The following DCTN2 variants were observed in gnomAD, a reference collection of about 807,000 sequenced individuals.
DCTN2 encodes the protein dynactin subunit 2, also known as 50 kDa dynein-associated polypeptide.
In DCTN2, 18 loss-of-function variants were observed where a neutral mutation model predicts 55.4. That is an observed-to-expected ratio of 0.32 (90% CI 0.22 to 0.48). The LOEUF (loss-of-function observed/expected upper bound fraction) is 0.48, where lower values mean the gene tolerates loss of function less well. DCTN2 is among the 20% of genes least tolerant of loss of function. The pLI is 0.99. For synonymous variants in DCTN2, 168 were observed against 185.2 expected (o/e 0.91, Z 0.76); for missense variants, 390 against 491.0 (o/e 0.79, Z 1.94).
At chr12:57,533,094 TG>T in intron 8 of DCTN2, 72 bp from the exon 9 acceptor site, 1 of 1,559,330 alleles carries the variant, frequency 6.4e-7, no homozygotes, top group Non-Finnish European at 8.7e-7. Context: ...CCATCTTTCC[TG>T]GTTCTAGCTG....
intron 1 of DCTN2, 88 bp downstream of exon 1, chr12:57,546,940 C>T: frequency 9.3e-7 from 1 of 1,074,624 alleles, no homozygotes; most frequent in Non-Finnish European, 1.2e-6. Context: ...GGGCTGCAGG[C>T]GGGAGGGGTC....
intron 2 of DCTN2, chr12:57,539,989 T>G (rs957119013): frequency 1.6e-6 from 1 of 632,178 alleles, no homozygotes; most frequent in Non-Finnish European, 2.0e-6. Context: ...CAGGCGGAGG[T>G]TGCAGTGAGC....
chr12:57,532,918 T>G (rs368867965), intron 9 of DCTN2, 66 bp downstream of exon 9: 4 of 1,594,784 alleles, frequency 2.5e-6, no homozygotes, highest in Non-Finnish European at 3.4e-6. Context: ...AAAATAATCC[T>G]CAAAGCAAAC....
At chr12:57,534,649 C>T in intron 5 of DCTN2, 197 bp from the exon 6 acceptor site, 1 of 527,648 alleles carries the variant, frequency 1.9e-6, no homozygotes, top group Non-Finnish European at 3.2e-6. Flanking sequence ...GCCCCTTTAT[C>T]CAGGAGCTTA....
At chr12:57,546,826 G>A (rs1216686285) in intron 1 of DCTN2, among the ~76,000 whole-genome samples, 1 of 152,218 alleles carries the variant, frequency 6.6e-6, no homozygotes, top group Non-Finnish European at 1.5e-5. Flanking sequence ...CCGGAAAGGG[G>A]GCCTGGTGCG....
At position 57,535,773 on chromosome 12, in the gene DCTN2, T is replaced by C; in HGVS notation, c.178A>G (p.Lys60Glu). 6.2e-7 allele frequency: 1 copy of C among 1,613,968 alleles called. No individual in the cohort carries two copies. The highest frequency in any genetic ancestry group is 8.5e-7 in the Non-Finnish European group (1 of 1,179,836). Reference protein sequence around the residue: ...PNAAYDKFKDKRVGTKGLDFS... With the variant: ...PNAAYDKFKDERVGTKGLDFS... ...CCAAGTCCCTTTGTCCCCACTCTCTTGTCCTTGAACTTGTCATAGGCAGCA... is the reference window on the plus strand; with the variant it reads ...CCAAGTCCCTTTGTCCCCACTCTCTCGTCCTTGAACTTGTCATAGGCAGCA... Residue 60 changes from lysine (K) to glutamate (E), a missense_variant, in exon 3 of 14, where the codon AAG (lysine) becomes GAG (glutamate). Physicochemically the swap from Lys to Glu is moderately conservative, Grantham distance 56 (BLOSUM62 1). This residue lies in a region of DCTN2 where 117 missense variants were observed against 187.8 expected (regional missense o/e 0.62). Coordinates refer to ENST00000548249, the MANE Select transcript of DCTN2 (RefSeq NM_001261413.2).
chr12:57,544,288 C>A (rs1345995052), intron 2 of DCTN2: 1 of 330,680 alleles, frequency 3.0e-6, no homozygotes, highest in East Asian at 7.6e-5. Context: ...CTGCATATAA[C>A]CTACCTACAC....
chr12:57,530,789 G>A lies in DCTN2; in HGVS notation c.1120-14C>T. On this transcript the variant is annotated splice_polypyrimidine_tract_variant and intron_variant, in intron 13 of 13. Coordinates refer to ENST00000548249, the MANE Select transcript of DCTN2 (RefSeq NM_001261413.2). ...GGTTGTCTGCACCTACAAAGTGGTA[G>A]AGAGGTTTTACTCTTTGTCAGGTCC... is the stretch of plus-strand genomic sequence containing the variant. 1 of 1,608,866 alleles carries A rather than the reference G, an allele frequency of 6.2e-7. No individual in the cohort carries two copies. Among genetic ancestry groups the A allele is most frequent in the Non-Finnish European group, 8.5e-7 (1 of 1,175,330 alleles).
chr12:57,544,535 C>G (rs1880985905), intron 2 of DCTN2, among the ~76,000 whole-genome samples: 1 of 151,700 alleles, frequency 6.6e-6, no homozygotes, highest in Non-Finnish European at 1.5e-5. Flanking sequence ...CTGCCTCAGC[C>G]TCCACAGTAG....
intron 7 of DCTN2, 80 bp downstream of exon 7, chr12:57,533,873 C>A (rs879113972): frequency 2.7e-6 from 4 of 1,455,508 alleles, no homozygotes; most frequent in South Asian, 2.8e-5. Flanking sequence ...TCCCAGCACC[C>A]TCTCCTTGGA....
intron 2 of DCTN2, among the ~76,000 whole-genome samples, chr12:57,539,847 T>G (rs899621654): frequency 5.3e-5 from 8 of 152,012 alleles, no homozygotes; most frequent in African/African-American, 1.9e-4. Context: ...GCCACCATGG[T>G]GAAACCCCAT....
rs576842116 is a variant in DCTN2, at chr12:57,530,111, A to C, written c.*578T>G. On this transcript the variant is annotated 3_prime_UTR_variant, in exon 14 of 14. Coordinates refer to ENST00000548249, the MANE Select transcript of DCTN2 (RefSeq NM_001261413.2). ...CCTCCACTGCTTTTCTATGGGAGAC[A>C]CTCTTAATTTAACAGATGAGAATAT... 1 of 152,378 alleles carries C rather than the reference A, an allele frequency of 6.6e-6. No homozygotes were observed. Among genetic ancestry groups the C allele is most frequent in the Non-Finnish European group, 1.5e-5 (1 of 68,020 alleles). The allele number at this position is 152,378 out of a possible 1,614,324, so 9.4% of individuals were successfully genotyped here. A position where few individuals can be genotyped will look rare whatever the true frequency, so the allele number is the denominator to read the frequency against.
chr12:57,535,586 C>T, intron 3 of DCTN2, 41 bp from the exon 4 acceptor site: 2 of 1,609,518 alleles, frequency 1.2e-6, no homozygotes, highest in Non-Finnish European at 1.7e-6. Flanking sequence ...CTGATCTAGG[C>T]CCAAGGCAGT....
At chr12:57,530,998 T>G (rs1486468527) in intron 13 of DCTN2, among the ~76,000 whole-genome samples, 1 of 152,192 alleles carries the variant, frequency 6.6e-6, no homozygotes. Context: ...CCATCCTGAC[T>G]TCAGCCAGAA....
intron 2 of DCTN2, among the ~76,000 whole-genome samples, chr12:57,544,560 G>A (rs1466946823): frequency 2.0e-5 from 3 of 151,572 alleles, no homozygotes; most frequent in Non-Finnish European, 2.9e-5. Context: ...GACTATAAGC[G>A]CTCGCCACCA....
At chr12:57,532,500 T>A in intron 11 of DCTN2, 72 bp downstream of exon 11, 8 of 1,526,106 alleles carry the variant, frequency 5.2e-6, no homozygotes, top group Non-Finnish European at 7.3e-6. Flanking sequence ...GTCAGTGTGT[T>A]CTCATGCTTT....
chr12:57,534,952 G>C (rs1024004203), intron 5 of DCTN2, 104 bp downstream of exon 5: 1 of 992,478 alleles, frequency 1.0e-6, no homozygotes, highest in African/African-American at 1.6e-5. Context: ...TTATAGGCGT[G>C]AGCCACCGCA....
chr12:57,547,142 C>T lies in DCTN2; in HGVS notation c.-79G>A. The T allele has an allele frequency of 3.4e-6, 4 of 1,191,282 alleles. No homozygotes were observed. Among genetic ancestry groups the T allele is most frequent in the Non-Finnish European group, 4.3e-6 (4 of 936,976 alleles). The allele number at this position is 1,191,282 out of a possible 1,614,324, so 73.8% of individuals were successfully genotyped here. ...GTTCGGGTAGGGGAGAGGCTGGGTT[C>T]GGGTCCCGGGCTAAGGCGGCGGCAA... On this transcript the variant is annotated 5_prime_UTR_variant, in exon 1 of 14. Coordinates refer to ENST00000548249, the MANE Select transcript of DCTN2 (RefSeq NM_001261413.2).
chr12:57,541,174 T>A (rs930799356), intron 2 of DCTN2, among the ~76,000 whole-genome samples: 4 of 152,246 alleles, frequency 2.6e-5, no homozygotes, highest in African/African-American at 7.2e-5. Context: ...CAATGATTCA[T>A]GGATCATAGC....
Sources: allele counts gnomAD v4.1 joint callset (sites outside exome capture counted in the v4.1 genomes callset), GRCh38; gene constraint gnomAD v4.1.1; regional missense constraint gnomAD v4.1.1; transcripts MANE v1.5; gene names NCBI Gene and HGNC (gene_info 2026-07-23, HGNC 2026-07-21).